The following CNTNAP2 variants were observed in gnomAD, a reference collection of about 807,000 sequenced individuals.
CNTNAP2 encodes contactin-associated protein-like 2.
Under a neutral mutation model 155.2 loss-of-function variants are expected in CNTNAP2, and 98 were observed. That is an observed-to-expected ratio of 0.63 (90% CI 0.54 to 0.75). The LOEUF (loss-of-function observed/expected upper bound fraction) is 0.75, where lower values mean the gene tolerates loss of function less well. CNTNAP2 is among the 30% of genes least tolerant of loss of function. The probability of loss-of-function intolerance (pLI) is 0.00; values close to 1 mark genes in which losing one functional copy is unlikely to be tolerated. For missense variants in CNTNAP2, 1,727 were observed against 1,688.1 expected (o/e 1.02, Z -0.40); for synonymous variants, 651 against 631.2 (o/e 1.03, Z -0.47).
chr7:147,722,943 T>TC (rs1314986622), intron 13 of CNTNAP2, among the ~76,000 whole-genome samples: 1 of 152,096 alleles, frequency 6.6e-6, no homozygotes, highest in African/African-American at 2.4e-5. Flanking sequence ...TTCACTTTCC[T>TC]CATATCACAC....
intron 1 of CNTNAP2, among the ~76,000 whole-genome samples, chr7:146,327,160 A>G (rs1801111437): frequency 2.0e-5 from 3 of 152,118 alleles, no homozygotes; most frequent in Admixed American, 1.3e-4. Flanking sequence ...GGGTATTTGA[A>G]GAAAAAAAAG....
chr7:148,363,985 C>A (rs1798678882), intron 21 of CNTNAP2, among the ~76,000 whole-genome samples: 1 of 152,192 alleles, frequency 6.6e-6, no homozygotes, highest in Admixed American at 6.5e-5. Context: ...CTGGGTCCCC[C>A]AGCAGTGCCG....
chr7:147,581,118 G>A (rs558848691), intron 12 of CNTNAP2, among the ~76,000 whole-genome samples: 1 of 152,106 alleles, frequency 6.6e-6, no homozygotes, highest in Admixed American at 6.5e-5. Context: ...GTAGATAACT[G>A]GCCTAGAGTC....
rs552796197 is a variant in CNTNAP2 at position 146,603,148 on chromosome 7, C to A, written c.98-171123C>A. Among the ~76,000 whole-genome samples, 161 of 151,516 alleles carry A rather than the reference C, an allele frequency of 1.1e-3. 4 individuals are homozygous for A. The highest frequency in any genetic ancestry group is 1.5e-3 in the Non-Finnish European group (104 of 67,886). On this transcript the variant is annotated intron_variant, in intron 1 of 23. Transcript: ENST00000361727. ...ATTGCGATAGCTGGGCGAGGTGGCT[C>A]ACGCCTGTAATCCCAGCACTTTGGG...
At chr7:146,933,829 C>T (rs1048676799) in intron 3 of CNTNAP2, among the ~76,000 whole-genome samples, 38 of 152,142 alleles carry the variant, frequency 2.5e-4, no homozygotes, top group Non-Finnish European at 5.1e-4. Flanking sequence ...AGCCAAAAAG[C>T]ACATGAAAAA....
chr7:147,630,299 C>A (rs1795061343), intron 12 of CNTNAP2, among the ~76,000 whole-genome samples: 2 of 40,494 alleles, frequency 4.9e-5, no homozygotes, highest in Admixed American at 2.6e-4. Context: ...TGACAAATAG[C>A]AAAATTGAAA....
intron 21 of CNTNAP2, among the ~76,000 whole-genome samples, chr7:148,275,635 G>T (rs59217993): frequency 0.19 from 28,797 of 152,202 alleles, 3,815 homozygotes; most frequent in African/African-American, 0.37. Context: ...GCAAGTGCTG[G>T]CTGCCCAGGA....
chr7:147,115,058 T>C (rs1290330318), intron 5 of CNTNAP2, among the ~76,000 whole-genome samples: 1 of 152,218 alleles, frequency 6.6e-6, no homozygotes, highest in African/African-American at 2.4e-5. Context: ...TTATTTCTCC[T>C]TCACTTATGA....
intron 12 of CNTNAP2, among the ~76,000 whole-genome samples, chr7:147,632,670 G>T (rs530607923): frequency 1.3e-5 from 2 of 152,252 alleles, no homozygotes; most frequent in South Asian, 4.2e-4. Context: ...ACTGGGTAGT[G>T]GGGTGCTGCT....
chr7:146,181,891 T>C (rs111318955), intron 1 of CNTNAP2, among the ~76,000 whole-genome samples: 2,329 of 152,226 alleles, frequency 0.015, 53 homozygotes, highest in African/African-American at 0.052. Flanking sequence ...CTTGATATTG[T>C]TTCTTTTTCA....
At chr7:146,926,562 C>A (rs1916938) in intron 3 of CNTNAP2, among the ~76,000 whole-genome samples, 2,210 of 152,160 alleles carry the variant, frequency 0.015, 58 homozygotes, top group African/African-American at 0.05. Flanking sequence ...AATTCTTGAA[C>A]GGGCCTCCTT....
chr7:147,113,342 T>C (rs73154355), intron 5 of CNTNAP2, among the ~76,000 whole-genome samples: 16 of 152,254 alleles, frequency 1.1e-4, no homozygotes, highest in Non-Finnish European at 1.5e-4. Context: ...TTTTCTTCTT[T>C]ATTATTCTAG....
intron 3 of CNTNAP2, among the ~76,000 whole-genome samples, chr7:146,906,060 G>A (rs979060382): frequency 7.2e-5 from 11 of 152,320 alleles, no homozygotes; most frequent in African/African-American, 2.2e-4. Context: ...CTGGAAAATC[G>A]GGTCACTCCC....
chr7:146,482,876 C>T (rs1282114119), intron 1 of CNTNAP2, among the ~76,000 whole-genome samples: 1 of 151,908 alleles, frequency 6.6e-6, no homozygotes, highest in African/African-American at 2.4e-5. Flanking sequence ...AAAAACCTTC[C>T]AACAGTGACA....
chr7:146,707,504 G>C (rs1287736755), intron 1 of CNTNAP2, among the ~76,000 whole-genome samples: 1 of 151,848 alleles, frequency 6.6e-6, no homozygotes, highest in African/African-American at 2.4e-5. Context: ...TTTTTTTGTG[G>C]TTCTCTCTTA....
intron 1 of CNTNAP2, among the ~76,000 whole-genome samples, chr7:146,235,084 G>A (rs1438543876): frequency 6.6e-6 from 1 of 152,084 alleles, no homozygotes; most frequent in Non-Finnish European, 1.5e-5. Flanking sequence ...AGAGGCAAAG[G>A]CATGTTATTT....
intron 3 of CNTNAP2, among the ~76,000 whole-genome samples, chr7:146,987,634 T>C (rs1050257471): frequency 2.0e-5 from 3 of 152,148 alleles, no homozygotes; most frequent in Admixed American, 2.0e-4. Context: ...GACAGCTGTG[T>C]AGTATAGTTA....
At chr7:147,515,248 T>A (rs851838) in intron 11 of CNTNAP2, among the ~76,000 whole-genome samples, 96,630 of 150,956 alleles carry the variant, frequency 0.64, 31,899 homozygotes, top group South Asian at 0.77. Context: ...CAACCATATT[T>A]AAAATAGTAA....
intron 18 of CNTNAP2, among the ~76,000 whole-genome samples, chr7:148,188,772 G>C (rs923642125): frequency 3.3e-5 from 5 of 152,124 alleles, no homozygotes; most frequent in African/African-American, 9.7e-5. Flanking sequence ...CTATCATTAT[G>C]TACATAGTAT....
Sources: gnomAD v4.1 joint callset for allele counts (sites outside exome capture counted in the v4.1 genomes callset) on GRCh38, gnomAD v4.1.1 for gene constraint, MANE v1.5 for transcripts, NCBI Gene and HGNC (gene_info 2026-07-23, HGNC 2026-07-21) for gene names.